Variants in MTR observed in about 807,000 individuals in gnomAD.
MTR encodes the protein methionine synthase.
MTR carries 84 observed loss-of-function variants against 154.8 expected under a neutral mutation model. The ratio of observed to expected loss-of-function variants is 0.54; its 90% CI spans 0.45 to 0.65. The LOEUF (loss-of-function observed/expected upper bound fraction) is 0.65, where lower values mean the gene tolerates loss of function less well. Ranked by LOEUF, MTR falls within the 30% of genes least tolerant of loss-of-function variation. The pLI is 0.00. For synonymous variants in MTR, 554 were observed against 553.9 expected (o/e 1.00, Z 0.00); for missense variants, 1,275 against 1,570.2 (o/e 0.81, Z 3.18).
At chr1:236,889,154 A>G in intron 27 of MTR, 27 bp from the exon 28 acceptor site, 1 of 1,613,890 alleles carries the variant, frequency 6.2e-7, no homozygotes, top group Non-Finnish European at 8.5e-7. Flanking sequence ...CAGCGTCAGC[A>G]TTGACAACCA....
intron 22 of MTR, among the ~76,000 whole-genome samples, chr1:236,868,319 C>T (rs1664933923): frequency 6.6e-6 from 1 of 152,068 alleles, no homozygotes; most frequent in South Asian, 2.1e-4. Flanking sequence ...GGTATGTATA[C>T]CTTGTTCTTT....
At chr1:236,825,047 G>A (rs1662198366) in intron 9 of MTR, among the ~76,000 whole-genome samples, 1 of 151,964 alleles carries the variant, frequency 6.6e-6, no homozygotes, top group Non-Finnish European at 1.5e-5. Context: ...TTCCCTTATG[G>A]GAAGGGGTGG....
At chr1:236,806,411 T>G (rs1387700194) in intron 3 of MTR, among the ~76,000 whole-genome samples, 178 bp downstream of exon 3, 1 of 152,210 alleles carries the variant, frequency 6.6e-6, no homozygotes, top group Non-Finnish European at 1.5e-5. Context: ...CAGTGGCCCA[T>G]TCATTTTCCA....
chr1:236,880,286 T>C (rs1408743121), intron 24 of MTR, among the ~76,000 whole-genome samples: 1 of 152,234 alleles, frequency 6.6e-6, no homozygotes, highest in Admixed American at 6.5e-5. Context: ...GGAGTGTTGA[T>C]GTCTCCCATG....
rs968363996 is a variant in MTR, at chr1:236,863,457, C to T, written c.2308C>T (p.Pro770Ser). The T allele has an allele frequency of 4.3e-6, 7 of 1,613,846 alleles. No homozygotes were observed. The highest frequency in any genetic ancestry group is 5.9e-6 in the Non-Finnish European group (7 of 1,179,872). The change falls in exon 22 of 33, where the codon CCT (proline) becomes TCT (serine). Residue 770 changes from proline (P) to serine (S), a missense_variant. Coordinates refer to ENST00000366577, the MANE Select transcript of MTR (RefSeq NM_000254.3). ...VLNGTVEEED[P>S]YQGTIVLATV... ...AGCTGCTTGGCTTCCTTTCCAGGAC[C>T]CTTACCAGGGCACCATCGTGCTGGC...
At chr1:236,808,271 A>G (rs1427427453) in intron 3 of MTR, among the ~76,000 whole-genome samples, 9 of 152,244 alleles carry the variant, frequency 5.9e-5, no homozygotes, top group Non-Finnish European at 5.9e-5. Context: ...ACTGTTGTAC[A>G]TGAATCAAGG....
intron 2 of MTR, among the ~76,000 whole-genome samples, chr1:236,805,193 G>A (rs1660911509): frequency 6.6e-6 from 1 of 152,150 alleles, no homozygotes; most frequent in Admixed American, 6.5e-5. Flanking sequence ...GGGATTCCAG[G>A]TTGCTAGTCA....
intron 22 of MTR, among the ~76,000 whole-genome samples, chr1:236,871,106 G>T (rs888465285): frequency 3.3e-5 from 5 of 151,968 alleles, no homozygotes; most frequent in Admixed American, 1.3e-4. Flanking sequence ...TTCTCTCTTC[G>T]CTCAGTAAAA....
At chr1:236,811,690 A>G in intron 5 of MTR, 1 of 456,300 alleles carries the variant, frequency 2.2e-6, no homozygotes, top group South Asian at 1.5e-5. Context: ...GGGCTGTACA[A>G]GGTGAAGTAC....
intron 18 of MTR, among the ~76,000 whole-genome samples, chr1:236,853,816 A>C (rs1189907064): frequency 6.6e-6 from 1 of 152,208 alleles, no homozygotes; most frequent in Non-Finnish European, 1.5e-5. Context: ...AAAAATGAGT[A>C]TAATTATAGC....
At chr1:236,878,417 A>T (rs1665549469) in intron 24 of MTR, among the ~76,000 whole-genome samples, 1 of 152,132 alleles carries the variant, frequency 6.6e-6, no homozygotes, top group Non-Finnish European at 1.5e-5. Context: ...AGGGGAGATA[A>T]CCCTATGGCT....
At chr1:236,852,256 CGTGT>C (rs3856242) in intron 16 of MTR, among the ~76,000 whole-genome samples, 20 of 150,202 alleles carry the variant, frequency 1.3e-4, no homozygotes, top group South Asian at 2.1e-4. Context: ...TGTCTTTCTG[CGTGT>C]GTGTGTGTGT....
intron 25 of MTR, among the ~76,000 whole-genome samples, chr1:236,881,514 A>G (rs751135835): frequency 3.3e-5 from 5 of 151,972 alleles, no homozygotes; most frequent in Non-Finnish European, 5.9e-5. Flanking sequence ...AGTGTGGCAG[A>G]ATTTCCAGGT....
At chr1:236,819,360 CT>C (rs577410343) in intron 8 of MTR, among the ~76,000 whole-genome samples, 4 of 152,170 alleles carry the variant, frequency 2.6e-5, no homozygotes, top group Non-Finnish European at 5.9e-5. Flanking sequence ...AGTATGTAGC[CT>C]TTTCACATTG....
rs1666818178 is a variant in MTR, at chr1:236,899,184, GA to G, written c.*1543del. On this transcript the variant is annotated 3_prime_UTR_variant, in exon 33 of 33. Transcript: ENST00000366577. Reference sequence around the variant, plus strand: ...GAAATTCCAACAGATTTTATTGAATGAAACAAGCAGGTGTTTATATGGAGTA... The same window carrying G: ...GAAATTCCAACAGATTTTATTGAATGAACAAGCAGGTGTTTATATGGAGTA... 1.3e-5 allele frequency: 2 copies of G among 152,192 alleles called. No homozygotes were observed. The highest frequency in any genetic ancestry group is 1.3e-4 in the Admixed American group (2 of 15,286). 9.4% of individuals were successfully genotyped at this position (152,192 alleles called of 1,614,324 possible). A position where few individuals can be genotyped will look rare whatever the true frequency, so the allele number is the denominator to read the frequency against.
At chr1:236,836,463 T>C (rs1486723945) in intron 14 of MTR, among the ~76,000 whole-genome samples, 1 of 152,206 alleles carries the variant, frequency 6.6e-6, no homozygotes, top group Non-Finnish European at 1.5e-5. Context: ...TTTGAACTCC[T>C]AGTCTCAATC....
chr1:236,802,441 C>T (rs894565700), intron 1 of MTR, among the ~76,000 whole-genome samples: 42 of 152,010 alleles, frequency 2.8e-4, no homozygotes, highest in African/African-American at 8.9e-4. Context: ...GATAAGAAAT[C>T]GGTGGTTGCT....
At chr1:236,867,955 CAG>C (rs1170079586) in intron 22 of MTR, among the ~76,000 whole-genome samples, 1 of 152,096 alleles carries the variant, frequency 6.6e-6, no homozygotes, top group Non-Finnish European at 1.5e-5. Context: ...GAAATAACAA[CAG>C]AGGATTTAGA....
At chr1:236,897,173 A>G in intron 32 of MTR, 55 bp downstream of exon 32, 1 of 1,284,968 alleles carries the variant, frequency 7.8e-7, no homozygotes, top group South Asian at 1.2e-5. Context: ...AAATTCTAGA[A>G]CCTCTCTCAT....
Sources: gnomAD v4.1 joint callset for allele counts (sites outside exome capture counted in the v4.1 genomes callset) on GRCh38, gnomAD v4.1.1 for gene constraint, MANE v1.5 for transcripts, NCBI Gene and HGNC (gene_info 2026-07-23, HGNC 2026-07-21) for gene names.